Variants in TPGS2 observed in about 807,000 individuals in gnomAD.
TPGS2 encodes polyglutamylase subunit 2.
Under a neutral mutation model 31.1 loss-of-function variants are expected in TPGS2, and 26 were observed. That is an observed-to-expected ratio of 0.84 (90% CI 0.61 to 1.16). The LOEUF (loss-of-function observed/expected upper bound fraction) is 1.16. TPGS2 is among the 50% of genes most tolerant of loss of function. The pLI is 0.00. For missense variants in TPGS2, 351 were observed against 363.8 expected, an observed-to-expected ratio of 0.96 and a Z score of 0.29; for synonymous variants, 130 against 136.6, an observed-to-expected ratio of 0.95 and a Z score of 0.34.
Position 36,796,090 on chromosome 18 carries a change from T to C in TPGS2, c.*715A>G, listed in dbSNP as rs2044513383. The C allele has an allele frequency of 1.0e-6, 1 of 985,284 alleles. No homozygotes were observed. The highest frequency in any genetic ancestry group is 1.2e-6 in the Non-Finnish European group (1 of 829,932). 61.0% of individuals were successfully genotyped at this position (985,284 alleles called of 1,614,324 possible). The stretch of plus-strand genomic sequence containing the variant: ...GGAAACTGATGAGGAAGACAAACTT[T>C]ATAGGAAGCTGCAAAAGAAATGAGC... On this transcript the variant is annotated 3_prime_UTR_variant, in exon 7 of 7. Coordinates refer to ENST00000334295, the MANE Select transcript of TPGS2 (RefSeq NM_015476.4).
chr18:36,809,185 A>C (rs2045306080), intron 2 of TPGS2, among the ~76,000 whole-genome samples: 1 of 152,184 alleles, frequency 6.6e-6, no homozygotes, highest in South Asian at 2.1e-4. Context: ...TCACTCTGTG[A>C]ATCTAGGTTC....
rs1210662212 is a variant in TPGS2 at position 36,825,199 on chromosome 18, G to A, written c.85+3484C>T. ...TGTAATCCCAGCACTTTGGGAGGCC[G>A]AGGCAGGTGGATCATGAGGTCAGGA... On this transcript the variant is annotated intron_variant, in intron 1 of 6. Coordinates refer to ENST00000334295, the MANE Select transcript of TPGS2 (RefSeq NM_015476.4). 6.6e-5 allele frequency among the ~76,000 whole-genome samples: 10 copies of A among 152,158 alleles called. No individual in the cohort carries two copies. The South Asian group carries it at 1.5e-3, about 22-fold the overall frequency.
chr18:36,806,060 C>G (rs1019060055), intron 3 of TPGS2: 5 of 152,092 alleles, frequency 3.3e-5, no homozygotes, highest in African/African-American at 1.2e-4. Flanking sequence ...TAAATACAGA[C>G]TAGGAAGCTC....
intron 1 of TPGS2, among the ~76,000 whole-genome samples, chr18:36,821,875 A>G (rs939552223): frequency 6.6e-6 from 1 of 152,126 alleles, no homozygotes. Context: ...TTTATTTTAG[A>G]CTGGTTAGCT....
At chr18:36,810,340 C>T (rs1317730685) in intron 2 of TPGS2, among the ~76,000 whole-genome samples, 1 of 152,132 alleles carries the variant, frequency 6.6e-6, no homozygotes, top group Non-Finnish European at 1.5e-5. Context: ...CTAATTTTAA[C>T]GTATCTCACC....
chr18:36,807,555 G>A, intron 3 of TPGS2: 1 of 401,018 alleles, frequency 2.5e-6, no homozygotes, highest in Non-Finnish European at 4.4e-6. Flanking sequence ...AGTTTGAGGT[G>A]GCTAGGGTTT....
chr18:36,792,964 C>T (rs1483917786), downstream of TPGS2, among the ~76,000 whole-genome samples: 1 of 152,166 alleles, frequency 6.6e-6, no homozygotes, highest in African/African-American at 2.4e-5. Context: ...ATTTTAATTG[C>T]TTTAGTTTCA....
At chr18:36,807,567 T>G in intron 3 of TPGS2, 1 of 429,330 alleles carries the variant, frequency 2.3e-6, no homozygotes. Context: ...CTAGGGTTTT[T>G]TATGTAGTAA....
intron 2 of TPGS2, among the ~76,000 whole-genome samples, chr18:36,808,269 A>G (rs980098354): frequency 6.6e-6 from 1 of 152,228 alleles, no homozygotes; most frequent in Admixed American, 6.5e-5. Flanking sequence ...GTAAAGTCTG[A>G]CAATGTTCAA....
downstream of TPGS2, chr18:36,780,097 C>G (rs1446466304): frequency 1.6e-6 from 2 of 1,218,998 alleles, no homozygotes; most frequent in East Asian, 6.3e-5. Flanking sequence ...GGACCTTAAA[C>G]AGTTCCACAG....
In TPGS2 at chr18:36,795,434, C is replaced by G; in HGVS notation, c.*1371G>C. 1.0e-6 allele frequency: 1 copy of G among 985,380 alleles called. No homozygotes were observed. The allele number at this position is 985,380 out of a possible 1,614,324, so 61.0% of individuals were successfully genotyped here. On this transcript the variant is annotated 3_prime_UTR_variant, in exon 7 of 7. Transcript: ENST00000334295. ...TCCTCAAAACTCCTAATTCTCTAACCTCTGGGACTTCAGTACAAAAACTGC... is the reference window on the plus strand; with the variant it reads ...TCCTCAAAACTCCTAATTCTCTAACGTCTGGGACTTCAGTACAAAAACTGC...
chr18:36,822,587 T>A lies in TPGS2; in HGVS notation c.86-3614A>T, dbSNP rs372279743. ...GTTTAAATCTTTTTCTATTAATAGG[T>A]GACATAAACCTATGTGTATATACTT... is the stretch of plus-strand genomic sequence containing the variant. On this transcript the variant is annotated intron_variant, in intron 1 of 6. Coordinates refer to ENST00000334295, the MANE Select transcript of TPGS2 (RefSeq NM_015476.4). Among the ~76,000 whole-genome samples the A allele has an allele frequency of 9.5e-4, 145 of 152,288 alleles. 2 individuals are homozygous for A. The South Asian group carries it at 0.029, about 31-fold the overall frequency.
chr18:36,803,998 C>T (rs1418502289), intron 4 of TPGS2, among the ~76,000 whole-genome samples: 1 of 151,992 alleles, frequency 6.6e-6, no homozygotes, highest in East Asian at 1.9e-4. Flanking sequence ...CTCGTGGGCT[C>T]AGGTGATCAG....
Position 36,818,782 on chromosome 18 carries a change from G to GA in TPGS2, c.165+111dup, listed in dbSNP as rs1341379414. On this transcript the variant is annotated intron_variant, in intron 2 of 6. Transcript: ENST00000334295. Reference sequence around the variant, plus strand: ...ACATAGAAAAGGTAAACTCTACCTTGAAAGCAGCTGTGGTCTGAGTAAATA... The same window carrying GA: ...ACATAGAAAAGGTAAACTCTACCTTGAAAAGCAGCTGTGGTCTGAGTAAATA... 6.1e-6 allele frequency: 6 copies of GA among 977,430 alleles called. No individual in the cohort carries two copies. The African/African-American group carries it at 9.7e-5, about 16-fold the overall frequency. The allele number at this position is 977,430 out of a possible 1,614,324, so 60.5% of individuals were successfully genotyped here.
At chr18:36,812,951 C>T (rs1453633644) in intron 2 of TPGS2, among the ~76,000 whole-genome samples, 1 of 152,138 alleles carries the variant, frequency 6.6e-6, no homozygotes, top group Non-Finnish European at 1.5e-5. Context: ...TGCGGAGTAA[C>T]AGGAGAGGAA....
chr18:36,797,640 C>G (rs2150563193), intron 6 of TPGS2, among the ~76,000 whole-genome samples: 1 of 149,168 alleles, frequency 6.7e-6, no homozygotes, highest in African/African-American at 2.5e-5. Context: ...GAAAATGAAG[C>G]CTACTAGATG....
intron 5 of TPGS2, 31 bp from the exon 6 acceptor site, chr18:36,798,640 A>G (rs200271458): frequency 1.7e-4 from 267 of 1,604,342 alleles, no homozygotes; most frequent in Non-Finnish European, 2.1e-4. Context: ...AGTAAAAGAT[A>G]AAGAATAGCT....
At chr18:36,807,262 C>A (rs1347311026) in intron 3 of TPGS2, among the ~76,000 whole-genome samples, 2 of 152,312 alleles carry the variant, frequency 1.3e-5, no homozygotes, top group Non-Finnish European at 2.9e-5. Context: ...TACCTACAAT[C>A]TGACATGTAC....
intron 6 of TPGS2, among the ~76,000 whole-genome samples, chr18:36,787,715 TAG>T (rs2150526180): frequency 1.3e-5 from 2 of 152,308 alleles, no homozygotes; most frequent in East Asian, 3.9e-4. Flanking sequence ...GGCTACAGAA[TAG>T]AGCAATTCAG....
Sources: allele counts gnomAD v4.1 joint callset (sites outside exome capture counted in the v4.1 genomes callset), GRCh38; gene constraint gnomAD v4.1.1; transcripts MANE v1.5; gene names NCBI Gene and HGNC (gene_info 2026-07-23, HGNC 2026-07-21).